MUC3A: variants seen among roughly 807,000 people sequenced by gnomAD.
MUC3A encodes mucin-3A.
A neutral mutation model predicts 109.0 loss-of-function variants in MUC3A; 109 were observed. That is an observed-to-expected ratio of 1.00 (90% CI 0.86 to 1.17). The LOEUF (loss-of-function observed/expected upper bound fraction) is 1.17. Among genes scored for constraint, MUC3A ranks in the 50% most tolerant of loss-of-function variants. The pLI is 0.00. For missense variants in MUC3A, 3,537 were observed against 2,469.4 expected (o/e 1.43, Z -9.16); for synonymous variants, 1,398 against 981.4 (o/e 1.42, Z -7.93).
At position 100,959,708 on chromosome 7, in the gene MUC3A, T is replaced by C. The variant is rs770871087; in HGVS notation, c.7929T>C (p.Pro2643=). ...ATTCCTCCACCCTTCAAACAACTCC[T>C]TCTACTCCCTCATTGCAAACTTCAC... ...STHSSTLQTT[P]STPSLQTSLT... Residue 2643 remains proline, a synonymous_variant, in exon 2 of 12, where the codon CCT becomes CCC. Coordinates refer to ENST00000379458, the MANE Select transcript of MUC3A (RefSeq NM_005960.2). 6.3e-7 allele frequency: 1 copy of C among 1,598,430 alleles called. No individual in the cohort carries two copies.
chr7:100,967,017 C>T (rs1439845059), intron 11 of MUC3A, 66 bp downstream of exon 11: 4 of 1,598,514 alleles, frequency 2.5e-6, no homozygotes, highest in African/African-American at 2.7e-5. Context: ...CCCTCCCCGA[C>T]CCCCACCAGG....
intron 3 of MUC3A, 22 bp downstream of exon 3, chr7:100,960,959 T>C (rs1467542433): frequency 1.3e-6 from 2 of 1,598,374 alleles, no homozygotes; most frequent in East Asian, 2.2e-5. Context: ...GAGCTATGCC[T>C]TCTGCACTTC....
In MUC3A at chr7:100,952,680, A is replaced by C. The variant is rs566761970; in HGVS notation, c.901A>C (p.Thr301Pro). ...TILSSTPVLS[T>P]ETITSGITNT... ...TTTATCTTCCACACCTGTCCTGAGC[A>C]CAGAAACAATCACCAGTGGTATCAC... Residue 301 changes from threonine (T) to proline (P), a missense_variant, in exon 2 of 12, where the codon ACA becomes CCA. Coordinates refer to ENST00000379458, the MANE Select transcript of MUC3A (RefSeq NM_005960.2). 6.6e-4 allele frequency: 1,050 copies of C among 1,598,468 alleles called. No homozygotes were observed. Among genetic ancestry groups the C allele is most frequent in the Non-Finnish European group, 8.0e-4 (942 of 1,179,750 alleles).
chr7:100,957,003 C>G lies in MUC3A; in HGVS notation c.5224C>G (p.Leu1742Val). ...STATSPKTTT[L>V]TPTSDISTGS... The stretch of plus-strand genomic sequence containing the variant: ...AGCCACATCCCCTAAGACCACCACA[C>G]TGACTCCTACCTCTGACATTTCCAC... Residue 1742 changes from leucine to valine, a missense_variant, in exon 2 of 12, where the codon CTG becomes GTG. Physicochemically the swap from Leu to Val is conservative, Grantham distance 32. Coordinates refer to ENST00000379458, the MANE Select transcript of MUC3A (RefSeq NM_005960.2). 2.3e-6 allele frequency: 1 copy of G among 437,820 alleles called. No homozygotes were observed. Among genetic ancestry groups the G allele is most frequent in the Non-Finnish European group, 4.0e-6 (1 of 249,818 alleles). 27.1% of individuals were successfully genotyped at this position (437,820 alleles called of 1,614,324 possible).
intron 3 of MUC3A, 109 bp downstream of exon 3, chr7:100,961,046 G>T (rs1223255353): frequency 1.3e-5 from 20 of 1,563,962 alleles, no homozygotes; most frequent in Non-Finnish European, 1.7e-5. Flanking sequence ...TTTTTGCCCG[G>T]TCCTTCCCTC....
At position 100,952,801 on chromosome 7, in the gene MUC3A, C is replaced by G. The variant is rs1791999812; in HGVS notation, c.1022C>G (p.Thr341Ser). 1.3e-6 allele frequency: 2 copies of G among 1,546,130 alleles called. No individual in the cohort carries two copies. Among genetic ancestry groups the G allele is most frequent in the East Asian group, 2.4e-5 (1 of 41,398 alleles). Residue 341 changes from threonine to serine, a missense_variant, in exon 2 of 12, where the codon ACC becomes AGC. Transcript: ENST00000379458. ...GAGACCACCTACACTACTTCTCCCA[C>G]CAGCACTGTCACAGACTCCACTACC... is the stretch of plus-strand genomic sequence containing the variant. ...TSETTYTTSP[T>S]STVTDSTTKI...
rs372413632 is a variant in MUC3A, at chr7:100,960,560, C to G, written c.8781C>G (p.Thr2927=). ...TRTSETPVAT[T]QTPTTLTSRR... is the part of the protein sequence containing the mutation. ...CTTCAGAGACACCAGTGGCCACTAC[C>G]CAGACTCCTACCACCCTTACATCAC... The change falls in exon 2 of 12, where the codon ACC becomes ACG. Residue 2927 remains threonine, a synonymous_variant. Coordinates refer to ENST00000379458, the MANE Select transcript of MUC3A (RefSeq NM_005960.2). The G allele has an allele frequency of 6.3e-7, 1 of 1,598,630 alleles. No homozygotes were observed. Among genetic ancestry groups the G allele is most frequent in the Non-Finnish European group, 8.5e-7 (1 of 1,179,832 alleles).
In MUC3A at chr7:100,968,257, C is replaced by G. The variant is rs1007329984; in HGVS notation, c.*1095C>G. The G allele has an allele frequency of 6.5e-6, 1 of 153,110 alleles. No individual in the cohort carries two copies. The highest frequency in any genetic ancestry group is 1.5e-5 in the Non-Finnish European group (1 of 68,624). 9.5% of individuals were successfully genotyped at this position (153,110 alleles called of 1,614,324 possible). On this transcript the variant is annotated 3_prime_UTR_variant, in exon 12 of 12. Coordinates refer to ENST00000379458, the MANE Select transcript of MUC3A (RefSeq NM_005960.2). ...ACTCTGAGCCCTTGAAATCCTCAGT[C>G]GCCTTGGCGGGGAAGATTGGCTTTG...
In MUC3A at chr7:100,958,995, A is replaced by G. The variant is rs377662897; in HGVS notation, c.7216A>G (p.Thr2406Ala). The G allele has an allele frequency of 7.2e-7, 1 of 1,385,250 alleles. No individual in the cohort carries two copies. The highest frequency in any genetic ancestry group is 9.3e-7 in the Non-Finnish European group (1 of 1,071,000). 85.8% of individuals were successfully genotyped at this position (1,385,250 alleles called of 1,614,324 possible). ...VTTTKTTSHI[T>A]PGLTSSITTT... ...CACCACCAAGACCACCTCACACATT[A>G]CTCCTGGCCTCACTTCTTCAATCAC... is the stretch of plus-strand genomic sequence containing the variant. Residue 2406 changes from threonine (T) to alanine (A), a missense_variant, in exon 2 of 12, where the codon ACT (threonine) becomes GCT (alanine). Thr to Ala is a moderately conservative substitution (Grantham distance 58). Transcript: ENST00000379458.
chr7:100,952,907 C>G lies in MUC3A; in HGVS notation c.1128C>G (p.Thr376=). 1 of 1,583,600 alleles carries G rather than the reference C, an allele frequency of 6.3e-7. No homozygotes were observed. The highest frequency in any genetic ancestry group is 1.7e-5 in the Admixed American group (1 of 57,950). ...SLPPTSSSLP[T]TETATTPMTN... Reference sequence around the variant, plus strand: ...CACCCACCTCTTCCTCTCTCCCAACCACAGAAACAGCCACGACTCCTATGA... The same window carrying G: ...CACCCACCTCTTCCTCTCTCCCAACGACAGAAACAGCCACGACTCCTATGA... Residue 376 remains threonine (T), a synonymous_variant, in exon 2 of 12, where the codon ACC becomes ACG. Transcript: ENST00000379458.
At position 100,953,603 on chromosome 7, in the gene MUC3A, T is replaced by G; in HGVS notation, c.1824T>G (p.Phe608Leu). Residue 608 changes from phenylalanine (F) to leucine (L), a missense_variant, in exon 2 of 12, where the codon TTT becomes TTG. Phe to Leu is a conservative substitution (Grantham distance 22). Coordinates refer to ENST00000379458, the MANE Select transcript of MUC3A (RefSeq NM_005960.2). ...CCTTCACCAGCTCTACAGCCACATT[T>G]CCTGAGACCACCACACCGACTCCTA... ...QTTFTSSTAT[F>L]PETTTPTPTT... 1 of 404,348 alleles carries G rather than the reference T, an allele frequency of 2.5e-6. No individual in the cohort carries two copies. Among genetic ancestry groups the G allele is most frequent in the South Asian group, 1.1e-4 (1 of 9,418 alleles). 25.0% of individuals were successfully genotyped at this position (404,348 alleles called of 1,614,324 possible). A position where few individuals can be genotyped will look rare whatever the true frequency, so the allele number is the denominator to read the frequency against.
Position 100,957,863 on chromosome 7 carries a change from T to A in MUC3A, c.6084T>A (p.Ser2028=), listed in dbSNP as rs1792143773. 6 of 777,624 alleles carry A rather than the reference T, an allele frequency of 7.7e-6. No homozygotes were observed. The highest frequency in any genetic ancestry group is 1.4e-5 in the Non-Finnish European group (6 of 438,006). 48.2% of individuals were successfully genotyped at this position (777,624 alleles called of 1,614,324 possible). ...TTSHNTPSLT[S]SITTTETTSH... ...CCCACAATACTCCCAGCTTGACTTC[T>A]TCGATCACAACCACCGAGACCACAT... is the stretch of plus-strand genomic sequence containing the variant. Residue 2028 remains serine, a synonymous_variant, in exon 2 of 12, where the codon TCT becomes TCA. Transcript: ENST00000379458.
chr7:100,950,012 A>T (rs1791889892), intron 1 of MUC3A, among the ~76,000 whole-genome samples: 1 of 152,404 alleles, frequency 6.6e-6, no homozygotes, highest in Non-Finnish European at 1.5e-5. Flanking sequence ...GGTGGGATTT[A>T]CGTCTTCCCA....
In MUC3A at chr7:100,967,077, A is replaced by G. The variant is rs587738592; in HGVS notation, c.9931-44A>G. 54 of 1,598,512 alleles carry G rather than the reference A, an allele frequency of 3.4e-5. No homozygotes were observed. The African/African-American group carries it at 5.5e-4, about 16-fold the overall frequency. On this transcript the variant is annotated intron_variant, in intron 11 of 11. Coordinates refer to ENST00000379458, the MANE Select transcript of MUC3A (RefSeq NM_005960.2). The stretch of plus-strand genomic sequence containing the variant: ...CAGCAGTGACCTCCCTGTCAGCCCA[A>G]ACCAGTGGCTCCGCGTTCCCGTCCC...
intron 5 of MUC3A, 188 bp from the exon 6 acceptor site, chr7:100,964,507 C>A (rs587597270): frequency 2.2e-6 from 2 of 927,646 alleles, no homozygotes; most frequent in Non-Finnish European, 3.1e-6. Flanking sequence ...ATTCCTTGTC[C>A]TGCCTTCCCA....
chr7:100,962,522 A>G (rs1792362337), intron 3 of MUC3A, among the ~76,000 whole-genome samples: 1 of 152,312 alleles, frequency 6.6e-6, no homozygotes, highest in African/African-American at 2.4e-5. Flanking sequence ...GGATTAGGAC[A>G]TGGACATCTT....
chr7:100,954,979 C>T lies in MUC3A; in HGVS notation c.3200C>T (p.Thr1067Ile). The T allele has an allele frequency of 1.8e-6, 1 of 560,584 alleles. No homozygotes were observed. The highest frequency in any genetic ancestry group is 3.2e-6 in the Non-Finnish European group (1 of 317,312). 34.7% of individuals were successfully genotyped at this position (560,584 alleles called of 1,614,324 possible). A position where few individuals can be genotyped will look rare whatever the true frequency, so the allele number is the denominator to read the frequency against. ...ACCACAAACACCACCCCTCTATCCA[C>T]CTTGGTGACTACACTCCTCACTACC... ...SHTTNTTPLS[T>I]LVTTLLTTIT... Residue 1067 changes from threonine (T) to isoleucine (I), a missense_variant, in exon 2 of 12, where the codon ACC becomes ATC. Thr to Ile is a moderately conservative substitution (Grantham distance 89). Transcript: ENST00000379458.
At chr7:100,964,079 AAGAG>A in intron 5 of MUC3A, 1 of 458,734 alleles carries the variant, frequency 2.2e-6, no homozygotes, top group Non-Finnish European at 4.0e-6. Context: ...GAGAGAGAGA[AAGAG>A]AGAGAGGGAG....
chr7:100,952,148 A>T lies in MUC3A; in HGVS notation c.369A>T (p.Ser123=), dbSNP rs78113948. ...ETTPPTVLVY[S]ATTECVYPTS... ...CTCCACCCACCGTGTTGGTCTATTC[A>T]GCCACCACTGAGTGCGTGTATCCAA... is the stretch of plus-strand genomic sequence containing the variant. Residue 123 remains serine (S), a synonymous_variant, in exon 2 of 12, where the codon TCA becomes TCT. Transcript: ENST00000379458. 14 of 1,598,364 alleles carry T rather than the reference A, an allele frequency of 8.8e-6. No individual in the cohort carries two copies. The highest frequency in any genetic ancestry group is 1.3e-5 in the African/African-American group (1 of 74,952).
Sources: gnomAD v4.1 joint callset for allele counts (sites outside exome capture counted in the v4.1 genomes callset) on GRCh38, gnomAD v4.1.1 for gene constraint, MANE v1.5 for transcripts, NCBI Gene and HGNC (gene_info 2026-07-23, HGNC 2026-07-21) for gene names.